MED27: variants seen among roughly 807,000 people sequenced by gnomAD.
MED27 encodes mediator of RNA polymerase II transcription subunit 27.
In MED27, 30 loss-of-function variants were observed where a neutral mutation model predicts 38.2. The observed-to-expected ratio is 0.79, with a 90% CI of 0.59 to 1.07. The LOEUF (loss-of-function observed/expected upper bound fraction) is 1.07, where lower values mean the gene tolerates loss of function less well. MED27 is among the 50% of genes least tolerant of loss of function. The pLI is 0.00. For synonymous variants in MED27, 122 were observed against 153.5 expected, an observed-to-expected ratio of 0.79 and a Z score of 1.52; for missense variants, 289 against 397.5, an observed-to-expected ratio of 0.73 and a Z score of 2.32.
intron 3 of MED27, among the ~76,000 whole-genome samples, chr9:131,977,644 A>T (rs1831637655): frequency 6.6e-6 from 1 of 152,184 alleles, no homozygotes; most frequent in Admixed American, 6.5e-5. Flanking sequence ...GCAGCACCCC[A>T]ATAGCCTGGG....
At chr9:131,895,547 G>C (rs4348548) in intron 4 of MED27, among the ~76,000 whole-genome samples, 2 of 152,124 alleles carry the variant, frequency 1.3e-5, no homozygotes, top group African/African-American at 4.8e-5. Context: ...CACCCCCAAC[G>C]TTTGATTCCT....
At chr9:131,962,827 A>C (rs973075599) in intron 3 of MED27, among the ~76,000 whole-genome samples, 1 of 152,188 alleles carries the variant, frequency 6.6e-6, no homozygotes, top group African/African-American at 2.4e-5. Flanking sequence ...CTGTTAAATA[A>C]ATTTTTGTAA....
rs1466264527 is a variant in MED27 at position 131,967,728 on chromosome 9, C to T, written c.480-28254G>A. Among the ~76,000 whole-genome samples the T allele has an allele frequency of 2.0e-5, 3 of 151,378 alleles. 1 individual carries two copies. Among genetic ancestry groups the T allele is most frequent in the East Asian group, 1.9e-4 (1 of 5,142 alleles). On this transcript the variant is annotated intron_variant, in intron 3 of 7. Coordinates refer to ENST00000292035, the MANE Select transcript of MED27 (RefSeq NM_004269.4). Reference sequence around the variant, plus strand: ...TGTTGGTCAGGCTGGTCTCAAACTCCCGACCTCAGGTGATCCGCCCTCCTC... The same window carrying T: ...TGTTGGTCAGGCTGGTCTCAAACTCTCGACCTCAGGTGATCCGCCCTCCTC...
At chr9:132,020,934 TAAG>T (rs750892508) in intron 2 of MED27, among the ~76,000 whole-genome samples, 156 of 152,222 alleles carry the variant, frequency 1.0e-3, no homozygotes, top group Non-Finnish European at 1.7e-3. Flanking sequence ...CAATAAACCA[TAAG>T]AAGGAAGCCT....
At chr9:132,044,405 C>T (rs754410053) in intron 2 of MED27, among the ~76,000 whole-genome samples, 6 of 152,214 alleles carry the variant, frequency 3.9e-5, no homozygotes, top group Admixed American at 1.3e-4. Context: ...TCACTCCCAG[C>T]GCTTTTTCAG....
At chr9:131,937,091 G>A (rs1251476859) in intron 4 of MED27, among the ~76,000 whole-genome samples, 1 of 152,188 alleles carries the variant, frequency 6.6e-6, no homozygotes, top group African/African-American at 2.4e-5. Context: ...TAGTGGGGGA[G>A]GTGGCATCTG....
At chr9:131,916,967 C>G (rs1180828471) in intron 4 of MED27, among the ~76,000 whole-genome samples, 1 of 152,134 alleles carries the variant, frequency 6.6e-6, no homozygotes, top group Non-Finnish European at 1.5e-5. Flanking sequence ...TGAAAGATGA[C>G]ATTAGAGCCC....
At position 131,883,228 on chromosome 9, in the gene MED27, C is replaced by T. The variant is rs1839079567; in HGVS notation, c.723+830G>A. 6.6e-6 allele frequency among the ~76,000 whole-genome samples: 1 copy of T among 152,070 alleles called. No homozygotes were observed. Among genetic ancestry groups the T allele is most frequent in the Non-Finnish European group, 1.5e-5 (1 of 68,020 alleles). On this transcript the variant is annotated intron_variant, in intron 6 of 7. Transcript: ENST00000292035. This position sits in a 1 kb window ranked among gnomAD's most constrained non-coding sequence, Gnocchi z 4.2. ...ATGAGGGAATGAATGAGATGATGGC[C>T]AACTCTCTTATTTCACTACTGGATG...
At chr9:131,985,145 T>C (rs973560678) in intron 3 of MED27, among the ~76,000 whole-genome samples, 1 of 152,218 alleles carries the variant, frequency 6.6e-6, no homozygotes, top group Non-Finnish European at 1.5e-5. Flanking sequence ...TCTTATTTCA[T>C]GTGTCCTGCT....
At chr9:132,065,360 G>A (rs552816860) in intron 2 of MED27, among the ~76,000 whole-genome samples, 7 of 152,298 alleles carry the variant, frequency 4.6e-5, no homozygotes, top group East Asian at 1.9e-4. Flanking sequence ...ACAGACACAC[G>A]CAAACAGGGA....
intron 5 of MED27, among the ~76,000 whole-genome samples, chr9:131,888,641 G>A (rs1335504364): frequency 1.3e-5 from 2 of 152,206 alleles, no homozygotes; most frequent in Non-Finnish European, 1.5e-5. Flanking sequence ...TAAGCCACAC[G>A]AGGTTCCAAC....
rs1830317224 is a variant in MED27, at chr9:131,917,630, G to C, written c.573+21751C>G. Among the ~76,000 whole-genome samples, 1 of 152,200 alleles carries C rather than the reference G, an allele frequency of 6.6e-6. No individual in the cohort carries two copies. Among genetic ancestry groups the C allele is most frequent in the African/African-American group, 2.4e-5 (1 of 41,440 alleles). ...GAAGAATGCATGTGGCATTGTGGGT[G>C]ACAATGGGGATGCCACCCGCAATGT... On this transcript the variant is annotated intron_variant, in intron 4 of 7. Coordinates refer to ENST00000292035, the MANE Select transcript of MED27 (RefSeq NM_004269.4). This position sits in a 1 kb window ranked among gnomAD's most constrained non-coding sequence, Gnocchi z 4.6.
rs1427875825 is a variant in MED27, at chr9:131,870,049, A to G, written c.724-6909T>C. 2.0e-5 allele frequency among the ~76,000 whole-genome samples: 3 copies of G among 152,156 alleles called. No homozygotes were observed. The East Asian group carries it at 5.8e-4, about 29-fold the overall frequency. On this transcript the variant is annotated intron_variant, in intron 6 of 7. Transcript: ENST00000292035. ...TGCTGGAAAAGGAGATGCCAGTCAA[A>G]ACAGTCTCCCAAAGCTCCTCTGCCA...
chr9:132,024,680 A>G (rs888282038), intron 2 of MED27, among the ~76,000 whole-genome samples: 6 of 152,236 alleles, frequency 3.9e-5, no homozygotes, highest in African/African-American at 1.4e-4. Flanking sequence ...AAGACAATCT[A>G]TTACAAGACG....
chr9:131,867,963 C>T (rs1838764351), intron 6 of MED27, among the ~76,000 whole-genome samples: 1 of 152,180 alleles, frequency 6.6e-6, no homozygotes, highest in Non-Finnish European at 1.5e-5. Flanking sequence ...GAATGGCCCC[C>T]AGAGGGCTGG....
intron 3 of MED27, among the ~76,000 whole-genome samples, chr9:132,011,248 T>A (rs896903910): frequency 1.3e-5 from 2 of 151,628 alleles, no homozygotes; most frequent in African/African-American, 4.8e-5. Context: ...AAAAAAACTA[T>A]TGCTTTTAAA....
rs1220352262 is a variant in MED27 at position 131,945,751 on chromosome 9, G to A, written c.480-6277C>T. Reference sequence around the variant, plus strand: ...AAGGCAGGAAGATGGCTTGAGCTCAGGAGTTCGAGATCAGCCTGGGCAACA... The same window carrying A: ...AAGGCAGGAAGATGGCTTGAGCTCAAGAGTTCGAGATCAGCCTGGGCAACA... On this transcript the variant is annotated intron_variant, in intron 3 of 7. Transcript: ENST00000292035. Among the ~76,000 whole-genome samples the A allele has an allele frequency of 2.7e-5, 4 of 149,490 alleles. No homozygotes were observed. The East Asian group carries it at 7.8e-4, about 29-fold the overall frequency.
At chr9:131,907,013 C>G (rs1014888141) in intron 4 of MED27, among the ~76,000 whole-genome samples, 1 of 152,166 alleles carries the variant, frequency 6.6e-6, no homozygotes, top group African/African-American at 2.4e-5. Flanking sequence ...TTTTCAAATG[C>G]TAATGCATTA....
chr9:132,077,650 C>A, intron 1 of MED27, 64 bp from the exon 2 acceptor site: 1 of 1,560,670 alleles, frequency 6.4e-7, no homozygotes, highest in Non-Finnish European at 8.7e-7. Context: ...TAAAGCCAGC[C>A]CCCAGGATCA....
Sources: allele counts gnomAD v4.1 joint callset (sites outside exome capture counted in the v4.1 genomes callset), GRCh38; gene constraint gnomAD v4.1.1; non-coding constraint Gnocchi (gnomAD v3.1); transcripts MANE v1.5; gene names NCBI Gene and HGNC (gene_info 2026-07-23, HGNC 2026-07-21).